Variants in TBC1D22A observed in about 807,000 individuals in gnomAD.
TBC1D22A encodes putative GTPase activator.
In TBC1D22A, 38 loss-of-function variants were observed where a neutral mutation model predicts 60.2. The observed-to-expected ratio is 0.63, with a 90% CI of 0.49 to 0.83. TBC1D22A has a LOEUF of 0.83. TBC1D22A is among the 40% of genes least tolerant of loss of function. The probability of loss-of-function intolerance (pLI) is 0.00; values close to 1 mark genes in which losing one functional copy is unlikely to be tolerated. For missense variants in TBC1D22A, 628 were observed against 701.0 expected (o/e 0.90, Z 1.18); for synonymous variants, 302 against 281.7 (o/e 1.07, Z -0.72).
chr22:47,062,989 A>G (rs140992067), intron 11 of TBC1D22A, among the ~76,000 whole-genome samples: 157 of 152,292 alleles, frequency 1.0e-3, no homozygotes, highest in Non-Finnish European at 2.0e-3. Context: ...GCGCAGGAAC[A>G]TGGAAACAGG....
At chr22:46,786,301 T>C (rs1318591247) in intron 1 of TBC1D22A, among the ~76,000 whole-genome samples, 3 of 152,264 alleles carry the variant, frequency 2.0e-5, no homozygotes, top group Non-Finnish European at 4.4e-5. Context: ...GCTATTAATA[T>C]AGTGTATTGC....
At chr22:46,871,816 C>T (rs2067305860) in intron 4 of TBC1D22A, among the ~76,000 whole-genome samples, 1 of 151,958 alleles carries the variant, frequency 6.6e-6, no homozygotes, top group Non-Finnish European at 1.5e-5. Context: ...AGAAGAGAAA[C>T]AATTTAAGGG....
chr22:46,778,557 C>T (rs1456788150), intron 1 of TBC1D22A, among the ~76,000 whole-genome samples: 3 of 152,230 alleles, frequency 2.0e-5, no homozygotes, highest in East Asian at 3.9e-4. Flanking sequence ...TGGCTTCCAC[C>T]TCCACATCTT....
At chr22:47,002,032 TATTA>T (rs1363203488) in intron 10 of TBC1D22A, among the ~76,000 whole-genome samples, 1 of 152,234 alleles carries the variant, frequency 6.6e-6, no homozygotes, top group African/African-American at 2.4e-5. Context: ...TCAATATTTC[TATTA>T]ATTGTCAATC....
At chr22:47,060,238 CTTTT>C (rs3884803) in intron 11 of TBC1D22A, among the ~76,000 whole-genome samples, 1 of 111,654 alleles carries the variant, frequency 9.0e-6, no homozygotes. Context: ...GGGTTTCTGA[CTTTT>C]TTTTTTTTTT....
Position 47,121,522 on chromosome 22 carries a change from G to A in TBC1D22A, c.1425+9919G>A, listed in dbSNP as rs762951129. Among the ~76,000 whole-genome samples, 23 of 152,152 alleles carry A rather than the reference G, an allele frequency of 1.5e-4. 1 individual carries two copies. Among genetic ancestry groups the A allele is most frequent in the Non-Finnish European group, 2.9e-4 (20 of 68,000 alleles). ...TGAAACGAGCAAATGTTTTCATTGC[G>A]TTTCTATGTGGAGGAAAAGCATGAC... On this transcript the variant is annotated intron_variant, in intron 12 of 12. Transcript: ENST00000337137.
At chr22:46,836,463 G>GA (rs2086525597) in intron 4 of TBC1D22A, among the ~76,000 whole-genome samples, 1 of 150,216 alleles carries the variant, frequency 6.7e-6, no homozygotes, top group Non-Finnish European at 1.5e-5. Flanking sequence ...TAACCACAAA[G>GA]AAAAAACATA....
chr22:46,909,318 A>ACACT (rs773065718), intron 7 of TBC1D22A, among the ~76,000 whole-genome samples: 10 of 152,092 alleles, frequency 6.6e-5, no homozygotes, highest in Non-Finnish European at 1.5e-4. Flanking sequence ...ACACACTCAC[A>ACACT]CACTCACTCA....
chr22:47,001,308 T>C (rs1190966607), intron 10 of TBC1D22A, among the ~76,000 whole-genome samples: 3 of 150,228 alleles, frequency 2.0e-5, no homozygotes, highest in Middle Eastern at 3.4e-3. Flanking sequence ...TCTTTTTTTT[T>C]TTTTTTTTTT....
chr22:47,121,094 T>G lies in TBC1D22A; in HGVS notation c.1425+9491T>G, dbSNP rs534842547. Among the ~76,000 whole-genome samples the G allele has an allele frequency of 3.3e-5, 5 of 152,334 alleles. No homozygotes were observed. The South Asian group carries it at 1.0e-3, about 32-fold the overall frequency. ...CCTCATAGAAAATGGATGAGGACAA[T>G]CGGAACAGTCAGAAACCCACATGAG... On this transcript the variant is annotated intron_variant, in intron 12 of 12. Transcript: ENST00000337137.
intron 5 of TBC1D22A, among the ~76,000 whole-genome samples, chr22:46,886,228 C>T (rs950986927): frequency 4.6e-5 from 7 of 152,184 alleles, no homozygotes; most frequent in Admixed American, 1.3e-4. Flanking sequence ...TGAATCAATA[C>T]GCTCTTTGGA....
intron 4 of TBC1D22A, among the ~76,000 whole-genome samples, chr22:46,839,912 C>T (rs572967726): frequency 2.7e-4 from 41 of 152,234 alleles, no homozygotes; most frequent in Non-Finnish European, 5.3e-4. Context: ...GAATGAAATT[C>T]GACCCTTAAC....
intron 4 of TBC1D22A, among the ~76,000 whole-genome samples, chr22:46,816,000 GC>G (rs1341506829): frequency 1.3e-5 from 2 of 152,210 alleles, no homozygotes; most frequent in African/African-American, 4.8e-5. Context: ...GGAACGAGAA[GC>G]AGATTGGATT....
rs568228847 is a variant in TBC1D22A at position 47,078,626 on chromosome 22, A to G, written c.1330-32882A>G. Among the ~76,000 whole-genome samples the G allele has an allele frequency of 3.9e-5, 6 of 152,326 alleles. No homozygotes were observed. The East Asian group carries it at 1.2e-3, about 29-fold the overall frequency. On this transcript the variant is annotated intron_variant, in intron 11 of 12. Coordinates refer to ENST00000337137, the MANE Select transcript of TBC1D22A (RefSeq NM_014346.5). ...GTGGCGTGTAGTTGCTATCAGTGTG[A>G]TTCTTACCATCGAGGTTTAGGGAAC...
intron 12 of TBC1D22A, among the ~76,000 whole-genome samples, chr22:47,164,760 C>T (rs2068131751): frequency 6.6e-6 from 1 of 152,214 alleles, no homozygotes; most frequent in Non-Finnish European, 1.5e-5. Context: ...CTGACAGCAG[C>T]GGACCTTTTC....
chr22:47,164,505 A>G lies in TBC1D22A; in HGVS notation c.1426-8993A>G, dbSNP rs142251174. Among the ~76,000 whole-genome samples the G allele has an allele frequency of 7.1e-3, 1,075 of 152,314 alleles. 9 individuals carry two copies. Among genetic ancestry groups the G allele is most frequent in the Non-Finnish European group, 0.011 (752 of 68,018 alleles). Reference sequence around the variant, plus strand: ...GGCATGGGACGGCCTGTGCCTTGGCATGGCCTGTGTGTCGAGTGCTGGGTC... The same window carrying G: ...GGCATGGGACGGCCTGTGCCTTGGCGTGGCCTGTGTGTCGAGTGCTGGGTC... On this transcript the variant is annotated intron_variant, in intron 12 of 12. Coordinates refer to ENST00000337137, the MANE Select transcript of TBC1D22A (RefSeq NM_014346.5).
chr22:47,075,789 T>C (rs1017854368), intron 11 of TBC1D22A, among the ~76,000 whole-genome samples: 1 of 151,888 alleles, frequency 6.6e-6, no homozygotes, highest in Non-Finnish European at 1.5e-5. Flanking sequence ...TATGTGGTAT[T>C]CATGATTGAC....
chr22:46,836,460 A>G (rs1423127398), intron 4 of TBC1D22A, among the ~76,000 whole-genome samples: 2 of 152,180 alleles, frequency 1.3e-5, no homozygotes, highest in African/African-American at 2.4e-5. Flanking sequence ...TGGTAACCAC[A>G]AAGAAAAAAC....
intron 7 of TBC1D22A, among the ~76,000 whole-genome samples, chr22:46,907,936 A>C (rs1052535323): frequency 6.6e-6 from 1 of 152,210 alleles, no homozygotes; most frequent in African/African-American, 2.4e-5. Context: ...AAAGAGCAGC[A>C]GTGCAAAGGC....
Sources: allele counts gnomAD v4.1 joint callset (sites outside exome capture counted in the v4.1 genomes callset), GRCh38; gene constraint gnomAD v4.1.1; transcripts MANE v1.5; gene names NCBI Gene and HGNC (gene_info 2026-07-23, HGNC 2026-07-21).